Variants in FSTL3 observed in about 807,000 individuals in gnomAD.
FSTL3 encodes the protein follistatin-related protein 3.
In FSTL3, 21 loss-of-function variants were observed where a neutral mutation model predicts 28.1. The ratio of observed to expected loss-of-function variants is 0.75; its 90% confidence interval spans 0.53 to 1.08. FSTL3 has a LOEUF of 1.08. Ranked by LOEUF, FSTL3 falls within the 50% of genes least tolerant of loss-of-function variation. FSTL3 has a pLI of 0.00. For missense variants in FSTL3, 400 were observed against 380.9 expected (o/e 1.05, Z -0.42); for synonymous variants, 199 against 164.2 (o/e 1.21, Z -1.62).
chr19:680,020 C>A (rs2031293338), intron 2 of FSTL3: 1 of 223,554 alleles, frequency 4.5e-6, no homozygotes, highest in Admixed American at 5.7e-5. Context: ...CGCCCCGGCC[C>A]GCGCGCACCG....
intron 2 of FSTL3, among the ~76,000 whole-genome samples, chr19:678,354 T>C (rs770052316): frequency 6.6e-6 from 1 of 152,208 alleles, no homozygotes; most frequent in Non-Finnish European, 1.5e-5. Flanking sequence ...CTCCAGGGTC[T>C]GCGGTGGGGT....
At position 681,404 on chromosome 19, in the gene FSTL3, G is replaced by A. The variant is rs756888291; in HGVS notation, c.577G>A (p.Val193Met). Residue 193 changes from valine to methionine, a missense_variant, in exon 4 of 5, where the codon GTG (valine) becomes ATG (methionine). Transcript: ENST00000166139. ...GGACCAGACGGGCAGCGCCCACTGC[G>A]TGGTGTGTCGAGCGGCGCCCTGCCC... Reference protein sequence around the residue: ...VVDQTGSAHCVVCRAAPCPVP... With the variant: ...VVDQTGSAHCMVCRAAPCPVP... 1.3e-6 allele frequency: 2 copies of A among 1,595,698 alleles called. No individual in the cohort carries two copies. Among genetic ancestry groups the A allele is most frequent in the South Asian group, 1.1e-5 (1 of 90,402 alleles).
intron 1 of FSTL3, among the ~76,000 whole-genome samples, chr19:677,567 G>C (rs1262234641): frequency 6.6e-6 from 1 of 151,208 alleles, no homozygotes; most frequent in Non-Finnish European, 1.5e-5. Context: ...GGGGGTTGGT[G>C]GTGAGGCTGT....
rs2031369367 is a variant in FSTL3, at chr19:682,837, C to T, written c.*1129C>T. On this transcript the variant is annotated 3_prime_UTR_variant, in exon 5 of 5. Coordinates refer to ENST00000166139, the MANE Select transcript of FSTL3 (RefSeq NM_005860.3). The stretch of plus-strand genomic sequence containing the variant: ...CGGGCCACTGCTCACCCACTGGCCC[C>T]GAGGGGGGTGTAGACGCCAAGACTC... 8.6e-6 allele frequency: 2 copies of T among 232,846 alleles called. No individual in the cohort carries two copies. The highest frequency in any genetic ancestry group is 6.0e-5 in the East Asian group (1 of 16,556). 14.4% of individuals were successfully genotyped at this position (232,846 alleles called of 1,614,324 possible).
At chr19:676,895 T>C (rs893157753) in intron 1 of FSTL3, among the ~76,000 whole-genome samples, 7 of 127,196 alleles carry the variant, frequency 5.5e-5, no homozygotes, top group Admixed American at 5.3e-4. Context: ...TCCGGGTCGG[T>C]CCTGGTGCCG....
intron 3 of FSTL3, chr19:680,982 G>C (rs1364450481): frequency 5.5e-6 from 2 of 363,392 alleles, no homozygotes; most frequent in Non-Finnish European, 1.0e-5. Flanking sequence ...GTCATGTAAG[G>C]GGCGGGGCTC....
rs1361765298 is a variant in FSTL3 at position 680,337 on chromosome 19, G to A, written c.353G>A (p.Arg118His). The A allele has an allele frequency of 6.2e-6, 8 of 1,281,174 alleles. No homozygotes were observed. Among genetic ancestry groups the A allele is most frequent in the Middle Eastern group, 3.0e-4 (1 of 3,356 alleles). 79.4% of individuals were successfully genotyped at this position (1,281,174 alleles called of 1,614,324 possible). A position where few individuals can be genotyped will look rare whatever the true frequency, so the allele number is the denominator to read the frequency against. ...TGCCGCATGCTGGGGGGCCGCCCGC[G>A]CTGCGAGTGCGCGCCCGACTGCTCG... The part of the protein sequence containing the change: ...KACRMLGGRP[R>H]CECAPDCSGL... The change falls in exon 3 of 5, where the codon CGC (arginine) becomes CAC (histidine). Residue 118 changes from arginine (R) to histidine (H), a missense_variant. Physicochemically the swap from Arg to His is conservative, Grantham distance 29 (BLOSUM62 0). Coordinates refer to ENST00000166139, the MANE Select transcript of FSTL3 (RefSeq NM_005860.3).
intron 2 of FSTL3, 85 bp downstream of exon 2, chr19:678,062 A>G: frequency 7.5e-7 from 1 of 1,326,474 alleles, no homozygotes; most frequent in East Asian, 2.3e-5. Flanking sequence ...CCGAACGTCC[A>G]GGGACTGAGC....
At chr19:680,517 G>GT in intron 3 of FSTL3, 28 bp downstream of exon 3, 2 of 1,205,294 alleles carry the variant, frequency 1.7e-6, no homozygotes, top group African/African-American at 3.1e-5. Context: ...CTGTGGAGGG[G>GT]CGGGGCGGGA....
intron 2 of FSTL3, 70 bp downstream of exon 2, chr19:678,047 G>A (rs1300855042): frequency 3.4e-6 from 5 of 1,464,316 alleles, no homozygotes; most frequent in South Asian, 1.2e-5. Flanking sequence ...CATGGTGGTC[G>A]AGGGCCGAAC....
rs1170743836 is a variant in FSTL3 at position 682,724 on chromosome 19, CAG to C, written c.*1018_*1019del. On this transcript the variant is annotated 3_prime_UTR_variant, in exon 5 of 5. Transcript: ENST00000166139. ...TTCATGAGGCAACGTCGCGTGGTCT[CAG>C]ACGTGGAGCAGCCAGCGGCAGCTCA... 3 of 233,228 alleles carry C rather than the reference CAG, an allele frequency of 1.3e-5. No homozygotes were observed. In the East Asian group the frequency reaches 1.8e-4, roughly 14 times the overall value. The allele number at this position is 233,228 out of a possible 1,614,324, so 14.4% of individuals were successfully genotyped here. A position where few individuals can be genotyped will look rare whatever the true frequency, so the allele number is the denominator to read the frequency against.
intron 2 of FSTL3, chr19:679,900 C>T (rs2031288240): frequency 6.1e-6 from 1 of 163,860 alleles, no homozygotes; most frequent in Non-Finnish European, 1.3e-5. Context: ...CCCCTCCGGC[C>T]TTCCCAGAAG....
In FSTL3 at chr19:680,324, G is replaced by C. The variant is rs943947175; in HGVS notation, c.340G>C (p.Gly114Arg). The C allele has an allele frequency of 2.3e-6, 3 of 1,282,604 alleles. No individual in the cohort carries two copies. The Middle Eastern group carries it at 9.0e-4, about 384-fold the overall frequency. 79.5% of individuals were successfully genotyped at this position (1,282,604 alleles called of 1,614,324 possible). A position where few individuals can be genotyped will look rare whatever the true frequency, so the allele number is the denominator to read the frequency against. The change falls in exon 3 of 5, where the codon GGG becomes CGG. Residue 114 changes from glycine (G) to arginine (R), a missense_variant. Gly to Arg is a moderately radical substitution (Grantham distance 125, BLOSUM62 -2). Coordinates refer to ENST00000166139, the MANE Select transcript of FSTL3 (RefSeq NM_005860.3). ...CGPGKACRML[G>R]GRPRCECAPD... ...CCCGGGCAAGGCGTGCCGCATGCTGGGGGGCCGCCCGCGCTGCGAGTGCGC... is the reference window on the plus strand; with the variant it reads ...CCCGGGCAAGGCGTGCCGCATGCTGCGGGGCCGCCCGCGCTGCGAGTGCGC...
intron 2 of FSTL3, among the ~76,000 whole-genome samples, chr19:679,554 C>T (rs1275067134): frequency 6.6e-6 from 1 of 152,226 alleles, no homozygotes; most frequent in East Asian, 1.9e-4. Context: ...CTCATAGCTG[C>T]GACCCGGCCT....
In FSTL3 at chr19:681,576, G is replaced by T. The variant is rs769857914; in HGVS notation, c.733+16G>T. ...AGCTGCGCAGGTGCAGACGCAGGGC[G>T]GGGGCACAGGCCTGTCCTGGGGGCC... On this transcript the variant is annotated intron_variant, in intron 4 of 4. Transcript: ENST00000166139. The T allele has an allele frequency of 6.2e-7, 1 of 1,600,656 alleles. No homozygotes were observed.
intron 2 of FSTL3, 109 bp from the exon 3 acceptor site, chr19:680,165 C>T: frequency 1.7e-6 from 1 of 592,494 alleles, no homozygotes; most frequent in Non-Finnish European, 2.5e-6. Context: ...ACGGCGCCCC[C>T]GCCTCCGCCC....
In FSTL3 at chr19:682,073, G is replaced by A. The variant is rs72976224; in HGVS notation, c.*365G>A. 0.026 allele frequency: 11,019 copies of A among 420,254 alleles called. 199 individuals are homozygous for A. The highest frequency in any genetic ancestry group is 0.035 in the South Asian group (1,330 of 37,882). 26.0% of individuals were successfully genotyped at this position (420,254 alleles called of 1,614,324 possible). On this transcript the variant is annotated 3_prime_UTR_variant, in exon 5 of 5. Transcript: ENST00000166139. Reference sequence around the variant, plus strand: ...CAAGAGGGCTGGGCATTCTCTGCTGGTAATTCCTGAAGAGGCATGACTGCT... The same window carrying A: ...CAAGAGGGCTGGGCATTCTCTGCTGATAATTCCTGAAGAGGCATGACTGCT...
At position 678,189 on chromosome 19, in the gene FSTL3, C is replaced by T. The variant is rs929011937; in HGVS notation, c.289+212C>T. The T allele has an allele frequency of 7.9e-5, 44 of 560,166 alleles. No individual in the cohort carries two copies. The Admixed American group carries it at 1.4e-3, about 18-fold the overall frequency. 34.7% of individuals were successfully genotyped at this position (560,166 alleles called of 1,614,324 possible). A position where few individuals can be genotyped will look rare whatever the true frequency, so the allele number is the denominator to read the frequency against. ...CAGCTCAGGACTCAGGAAGAGACCA[C>T]GTGGCTCCAGCCTTTGCTGGGGCTG... On this transcript the variant is annotated intron_variant, in intron 2 of 4. Coordinates refer to ENST00000166139, the MANE Select transcript of FSTL3 (RefSeq NM_005860.3).
At position 681,407 on chromosome 19, in the gene FSTL3, G is replaced by T; in HGVS notation, c.580G>T (p.Val194Leu). 1 of 1,595,904 alleles carries T rather than the reference G, an allele frequency of 6.3e-7. No individual in the cohort carries two copies. Among genetic ancestry groups the T allele is most frequent in the Non-Finnish European group, 8.5e-7 (1 of 1,178,270 alleles). The stretch of plus-strand genomic sequence containing the variant: ...CCAGACGGGCAGCGCCCACTGCGTG[G>T]TGTGTCGAGCGGCGCCCTGCCCTGT... ...VDQTGSAHCV[V>L]CRAAPCPVPS... Residue 194 changes from valine to leucine, a missense_variant, in exon 4 of 5, where the codon GTG (valine) becomes TTG (leucine). By Grantham distance (32) the Val-to-Leu change is conservative. Transcript: ENST00000166139.
Sources: gnomAD v4.1 joint callset for allele counts (sites outside exome capture counted in the v4.1 genomes callset) on GRCh38, gnomAD v4.1.1 for gene constraint, MANE v1.5 for transcripts, NCBI Gene and HGNC (gene_info 2026-07-23, HGNC 2026-07-21) for gene names.